The following RANBP2 variants were observed in gnomAD, a reference collection of about 807,000 sequenced individuals.
RANBP2 encodes E3 SUMO-protein ligase RanBP2.
In RANBP2, 57 loss-of-function variants were observed where a neutral mutation model predicts 303.6. The ratio of observed to expected loss-of-function variants is 0.19; its 90% CI spans 0.15 to 0.23. The LOEUF is 0.23. Ranked by LOEUF, RANBP2 falls within the 10% of genes least tolerant of loss-of-function variation. The probability of loss-of-function intolerance (pLI) is 1.00; values close to 1 mark genes in which losing one functional copy is unlikely to be tolerated. For missense variants in RANBP2, 3,138 were observed against 3,780.8 expected (o/e 0.83, Z 4.46); for synonymous variants, 1,167 against 1,301.5 (o/e 0.90, Z 2.23).
At chr2:109,222,327 A>G in the RANBP2 span, among the ~76,000 whole-genome samples, 1 of 152,246 alleles carries the variant, frequency 6.6e-6, no homozygotes. Context: ...ATTTTACAAT[A>G]GCTAAAAGAG....
At chr2:109,055,020 T>C in the RANBP2 span, among the ~76,000 whole-genome samples, 2 of 152,206 alleles carry the variant, frequency 1.3e-5, no homozygotes, top group African/African-American at 2.4e-5. Flanking sequence ...GATGAAATAA[T>C]TCTGGACTCT....
At chr2:109,123,791 T>C in the RANBP2 span, among the ~76,000 whole-genome samples, 1 of 152,154 alleles carries the variant, frequency 6.6e-6, no homozygotes, top group African/African-American at 2.4e-5. Flanking sequence ...TTCTCACCCA[T>C]GGCTGCACCT....
the RANBP2 span, among the ~76,000 whole-genome samples, chr2:109,254,559 T>C: frequency 2.6e-5 from 4 of 152,236 alleles, no homozygotes; most frequent in Non-Finnish European, 5.9e-5. Flanking sequence ...TTGTAGATGC[T>C]GATTAAAACT....
At chr2:108,994,628 A>G in the RANBP2 span, among the ~76,000 whole-genome samples, 8 of 152,036 alleles carry the variant, frequency 5.3e-5, no homozygotes, top group Non-Finnish European at 2.9e-5. Context: ...GAAAATCAAC[A>G]AATTCATCCT....
the RANBP2 span, among the ~76,000 whole-genome samples, chr2:109,315,942 G>A: frequency 1.3e-5 from 2 of 152,258 alleles, no homozygotes; most frequent in South Asian, 2.1e-4. Flanking sequence ...GGAGAATATG[G>A]AGCCTTTTGA....
chr2:108,881,005 G>A, the RANBP2 span, among the ~76,000 whole-genome samples: 2 of 152,194 alleles, frequency 1.3e-5, no homozygotes, highest in Non-Finnish European at 2.9e-5. Flanking sequence ...CAATACTCAC[G>A]AATGACTTTG....
At chr2:109,360,060 C>T in the RANBP2 span, among the ~76,000 whole-genome samples, 2 of 108,968 alleles carry the variant, frequency 1.8e-5, no homozygotes, top group Non-Finnish European at 3.9e-5. Context: ...TGTTTCCTTG[C>T]ACCAAAAAAA....
chr2:109,496,223 T>G, the RANBP2 span, among the ~76,000 whole-genome samples: 1 of 152,236 alleles, frequency 6.6e-6, no homozygotes, highest in African/African-American at 2.4e-5. Flanking sequence ...TACAGAGTGC[T>G]GATTGGCGCG....
chr2:109,567,687 T>C, the RANBP2 span: 3 of 964,284 alleles, frequency 3.1e-6, no homozygotes, highest in Non-Finnish European at 2.9e-6. Context: ...CTGGACTTTT[T>C]GAAAATTCAC....
chr2:109,525,075 C>T, the RANBP2 span, among the ~76,000 whole-genome samples: 1,432 of 148,478 alleles, frequency 9.6e-3, 65 homozygotes, highest in East Asian at 0.12. Context: ...GGCTCCTTAC[C>T]GTTGTTTTTT....
At chr2:109,638,436 A>T in the RANBP2 span, among the ~76,000 whole-genome samples, 1 of 152,140 alleles carries the variant, frequency 6.6e-6, no homozygotes, top group South Asian at 2.1e-4. Flanking sequence ...CCAGGTGTGC[A>T]TGTTATGTGT....
At chr2:108,893,569 T>C in the RANBP2 span, among the ~76,000 whole-genome samples, 3 of 151,732 alleles carry the variant, frequency 2.0e-5, no homozygotes, top group Non-Finnish European at 2.9e-5. Flanking sequence ...GTTGTCAGAA[T>C]TATAAAGGAG....
the RANBP2 span, among the ~76,000 whole-genome samples, chr2:109,470,370 G>T: frequency 6.6e-6 from 1 of 152,152 alleles, no homozygotes; most frequent in Non-Finnish European, 1.5e-5. Flanking sequence ...CCAGAGTTTT[G>T]CTGGATCTCA....
the RANBP2 span, among the ~76,000 whole-genome samples, chr2:109,450,367 AAGAAAATCTGAG>A: frequency 6.6e-6 from 1 of 151,816 alleles, no homozygotes; most frequent in African/African-American, 2.4e-5. Context: ...AAGAAAAAGA[AAGAAAATCTGAG>A]TCCAAGAAAC....
chr2:109,598,378 T>C, the RANBP2 span, among the ~76,000 whole-genome samples: 2 of 151,798 alleles, frequency 1.3e-5, no homozygotes, highest in Non-Finnish European at 2.9e-5. Context: ...CTATAATCAC[T>C]TGACTTTAAC....
chr2:109,193,190 C>A, the RANBP2 span, among the ~76,000 whole-genome samples: 1 of 152,200 alleles, frequency 6.6e-6, no homozygotes, highest in South Asian at 2.1e-4. Flanking sequence ...GGAATCAGGG[C>A]AAATTGTCTG....
At chr2:108,788,870 C>G (rs1039714959), downstream of RANBP2, 15 of 1,613,676 alleles carry the variant, frequency 9.3e-6, no homozygotes, top group Middle Eastern at 1.6e-4. Flanking sequence ...GATATCTACT[C>G]TGGAGATAAA....
the RANBP2 span, among the ~76,000 whole-genome samples, chr2:109,360,250 C>A: frequency 6.6e-6 from 1 of 152,086 alleles, no homozygotes; most frequent in African/African-American, 2.4e-5. Context: ...AATAATATGT[C>A]ATATTTTTTA....
chr2:109,584,639 AG>A, the RANBP2 span, among the ~76,000 whole-genome samples: 1 of 152,210 alleles, frequency 6.6e-6, no homozygotes, highest in Admixed American at 6.5e-5. Flanking sequence ...TAAAACAAAT[AG>A]AGACACAAGG....
Sources: allele counts gnomAD v4.1 joint callset (sites outside exome capture counted in the v4.1 genomes callset), GRCh38; gene constraint gnomAD v4.1.1; transcripts MANE v1.5; gene names NCBI Gene and HGNC (gene_info 2026-07-23, HGNC 2026-07-21).